Variants in RELN observed in about 807,000 individuals in gnomAD.
RELN encodes reelin.
Under a neutral mutation model 427.6 loss-of-function variants are expected in RELN, and 108 were observed. The observed-to-expected ratio is 0.25, with a 90% confidence interval of 0.22 to 0.30. The LOEUF (loss-of-function observed/expected upper bound fraction) is 0.30, where lower values mean the gene tolerates loss of function less well. Among genes scored for constraint, RELN ranks in the 10% least tolerant of loss-of-function variants. The pLI, the probability that RELN is intolerant of heterozygous loss-of-function variation, is 1.00. For synonymous variants in RELN, 1,524 were observed against 1,513.4 expected (o/e 1.01, Z -0.16); for missense variants, 3,715 against 4,302.8 (o/e 0.86, Z 3.82).
intron 16 of RELN, 97 bp downstream of exon 16, chr7:103,650,177 C>A (rs776849282): frequency 7.7e-4 from 626 of 816,090 alleles, no homozygotes; most frequent in Non-Finnish European, 1.2e-3. Flanking sequence ...ATTGCAAGAC[C>A]ATGACTTAGA....
At chr7:103,556,429 GTA>G (rs3056317) in intron 38 of RELN, among the ~76,000 whole-genome samples, 76,721 of 148,974 alleles carry the variant, frequency 0.51, 19,933 homozygotes, top group African/African-American at 0.6. Context: ...ATATATACGT[GTA>G]TATATATATA....
Position 103,545,143 on chromosome 7 carries a change from A to G in RELN, c.6504T>C (p.Phe2168=). 5.0e-6 allele frequency: 8 copies of G among 1,613,712 alleles called. No individual in the cohort carries two copies. The highest frequency in any genetic ancestry group is 6.8e-6 in the Non-Finnish European group (8 of 1,179,946). The stretch of plus-strand genomic sequence containing the variant: ...GACTACCTTCGAAATCATCTTTGAG[A>G]AAATCAGGATTTTTGGTGCTTATTT... ...TCKISTKNPD[F]LKDDFEGQLE... Residue 2168 remains phenylalanine (F), a synonymous_variant, in exon 42 of 65, where the codon TTT becomes TTC. Coordinates refer to ENST00000428762, the MANE Select transcript of RELN (RefSeq NM_005045.4).
intron 19 of RELN, among the ~76,000 whole-genome samples, chr7:103,631,321 T>C (rs1832463095): frequency 1.6e-5 from 2 of 122,006 alleles, no homozygotes; most frequent in Non-Finnish European, 3.2e-5. Flanking sequence ...TGAGATGGAG[T>C]CTTGCGCTGT....
At chr7:103,748,855 G>A (rs995737621) in intron 6 of RELN, among the ~76,000 whole-genome samples, 3 of 152,080 alleles carry the variant, frequency 2.0e-5, no homozygotes, top group Non-Finnish European at 4.4e-5. Flanking sequence ...ACTCTGGGTC[G>A]ATAGACCTAT....
chr7:103,866,470 GGTTA>G (rs1423142649), intron 2 of RELN, among the ~76,000 whole-genome samples: 2 of 151,858 alleles, frequency 1.3e-5, no homozygotes, highest in African/African-American at 4.8e-5. Context: ...TTAACTGCAT[GGTTA>G]ATTATATTTT....
chr7:103,531,767 T>TAA (rs3831558), intron 46 of RELN, among the ~76,000 whole-genome samples: 7 of 151,524 alleles, frequency 4.6e-5, no homozygotes, highest in Admixed American at 6.6e-5. Context: ...ATTACAAAAG[T>TAA]AAAAAAAACA....
Position 103,700,890 on chromosome 7 carries a change from T to C in RELN, c.902+20A>G, listed in dbSNP as rs763939427. 1.4e-6 allele frequency: 2 copies of C among 1,436,962 alleles called. No homozygotes were observed. Among genetic ancestry groups the C allele is most frequent in the Non-Finnish European group, 2.0e-6 (2 of 1,019,142 alleles). 89.0% of individuals were successfully genotyped at this position (1,436,962 alleles called of 1,614,324 possible). On this transcript the variant is annotated intron_variant, in intron 9 of 64. Transcript: ENST00000428762. ...CCATCTATGTCAGAATTTATGAAAA[T>C]ACTTTAAATTACAACAAACCTAATT...
At chr7:103,983,934 C>T (rs1285254112) in intron 1 of RELN, among the ~76,000 whole-genome samples, 1 of 151,728 alleles carries the variant, frequency 6.6e-6, no homozygotes, top group East Asian at 1.9e-4. Flanking sequence ...AAGTACTGGT[C>T]ACTCAATTTA....
chr7:103,690,861 G>T (rs532524220), intron 10 of RELN, among the ~76,000 whole-genome samples: 1 of 152,242 alleles, frequency 6.6e-6, no homozygotes, highest in Admixed American at 6.5e-5. Context: ...TTAGAAGCAG[G>T]ATAGGAATGT....
chr7:103,859,291 TTTTA>T (rs774218662), intron 2 of RELN, among the ~76,000 whole-genome samples: 4 of 152,116 alleles, frequency 2.6e-5, no homozygotes, highest in South Asian at 2.1e-4. Flanking sequence ...TTCATATTTA[TTTTA>T]TTTATTTATT....
rs113394665 is a variant in RELN, at chr7:103,654,270, T to C, written c.1442-65A>G. 6.5e-4 allele frequency: 559 copies of C among 853,482 alleles called. No individual in the cohort carries two copies. In the African/African-American group the frequency reaches 7.5e-3, roughly 11 times the overall value. The allele number at this position is 853,482 out of a possible 1,614,324, so 52.9% of individuals were successfully genotyped here. On this transcript the variant is annotated intron_variant, in intron 12 of 64. Coordinates refer to ENST00000428762, the MANE Select transcript of RELN (RefSeq NM_005045.4). ...GCATCCATAAACATATCAAATATAG[T>C]GTTAAATTTCAGAATGAAAAATCAT...
intron 3 of RELN, among the ~76,000 whole-genome samples, chr7:103,811,624 T>C (rs1232430662): frequency 1.3e-5 from 2 of 152,192 alleles, no homozygotes; most frequent in African/African-American, 4.8e-5. Context: ...AGTCATTAAT[T>C]CACCGTAAGT....
At chr7:103,759,990 C>CTTTTTTTT (rs57019839) in intron 4 of RELN, among the ~76,000 whole-genome samples, 5 of 64,932 alleles carry the variant, frequency 7.7e-5, no homozygotes, top group Admixed American at 1.6e-4. Context: ...CACAGTCATA[C>CTTTTTTTT]TTTTTTTTTT....
chr7:103,654,447 C>T (rs1467278274), intron 12 of RELN, among the ~76,000 whole-genome samples: 1 of 152,064 alleles, frequency 6.6e-6, no homozygotes, highest in Non-Finnish European at 1.5e-5. Flanking sequence ...CATGAGATTA[C>T]TCAAATAATT....
intron 20 of RELN, among the ~76,000 whole-genome samples, chr7:103,616,297 C>G (rs1472164222): frequency 2.6e-5 from 4 of 152,082 alleles, no homozygotes; most frequent in Non-Finnish European, 5.9e-5. Context: ...AAGTTATATT[C>G]ATCTGAAGAA....
At chr7:103,790,624 A>T (rs1563015264) in intron 3 of RELN, among the ~76,000 whole-genome samples, 1 of 152,208 alleles carries the variant, frequency 6.6e-6, no homozygotes, top group East Asian at 1.9e-4. Context: ...TGGGAGGCTG[A>T]TGAGATCATG....
At chr7:103,914,900 C>T (rs887115848) in intron 2 of RELN, among the ~76,000 whole-genome samples, 1 of 152,120 alleles carries the variant, frequency 6.6e-6, no homozygotes, top group East Asian at 1.9e-4. Context: ...ACTGGGCTCT[C>T]CAGTGTTTTC....
At position 103,682,162 on chromosome 7, in the gene RELN, C is replaced by G; in HGVS notation, c.1243G>C (p.Asp415His). 1.2e-6 allele frequency: 2 copies of G among 1,613,948 alleles called. No individual in the cohort carries two copies. The highest frequency in any genetic ancestry group is 1.7e-6 in the Non-Finnish European group (2 of 1,179,904). Residue 415 changes from aspartate to histidine, a missense_variant, in exon 11 of 65, where the codon GAT becomes CAT. Asp to His is a moderately conservative substitution (Grantham distance 81). Coordinates refer to ENST00000428762, the MANE Select transcript of RELN (RefSeq NM_005045.4). ...TCTTCTGACCATTGCTCTTGAATAT[C>G]TTCTGTGGAAAGATCTACATCCCTG... ...TTRDVDLSTEDIQEQWSEEFE... is the reference protein window; with the variant it reads ...TTRDVDLSTEHIQEQWSEEFE...
At chr7:103,625,739 C>A (rs1025998063) in intron 20 of RELN, among the ~76,000 whole-genome samples, 7 of 149,354 alleles carry the variant, frequency 4.7e-5, no homozygotes, top group Admixed American at 1.3e-4. Context: ...GAAAAAAAAA[C>A]CACTCAGGCT....
Sources: gnomAD v4.1 joint callset for allele counts (sites outside exome capture counted in the v4.1 genomes callset) on GRCh38, gnomAD v4.1.1 for gene constraint, MANE v1.5 for transcripts, NCBI Gene and HGNC (gene_info 2026-07-23, HGNC 2026-07-21) for gene names.